The following TBXAS1 variants were observed in gnomAD, a reference collection of about 807,000 sequenced individuals.
The protein encoded by TBXAS1 is thromboxane A synthase 1.
Under a neutral mutation model 60.7 loss-of-function variants are expected in TBXAS1, and 48 were observed. The ratio of observed to expected loss-of-function variants is 0.79; its 90% confidence interval spans 0.63 to 1.01. TBXAS1 has a LOEUF of 1.01. Ranked by LOEUF, TBXAS1 falls within the 50% of genes least tolerant of loss-of-function variation. The probability of loss-of-function intolerance (pLI) is 0.00; values close to 1 mark genes in which losing one functional copy is unlikely to be tolerated. For missense variants in TBXAS1, 685 were observed against 686.3 expected (o/e 1.00, Z 0.02); for synonymous variants, 287 against 269.7 (o/e 1.06, Z -0.63).
chr7:139,856,894 T>G (rs1043922904), intron 1 of TBXAS1, among the ~76,000 whole-genome samples: 1 of 152,136 alleles, frequency 6.6e-6, no homozygotes, highest in Non-Finnish European at 1.5e-5. Context: ...ATCAGACGCT[T>G]TCAGGGCGTT....
intron 8 of TBXAS1, 112 bp from the exon 9 acceptor site, chr7:139,961,807 A>C (rs1584959411): frequency 7.6e-7 from 1 of 1,318,372 alleles, no homozygotes; most frequent in East Asian, 2.5e-5. Flanking sequence ...GCTTGTTGCT[A>C]CTGAGCTCTT....
At chr7:139,981,447 G>A (rs1340124272) in intron 9 of TBXAS1, among the ~76,000 whole-genome samples, 2 of 152,234 alleles carry the variant, frequency 1.3e-5, no homozygotes, top group Admixed American at 1.3e-4. Context: ...TAGCTGACCG[G>A]TGGACATTAG....
At chr7:139,875,867 A>G (rs1802193603) in intron 3 of TBXAS1, 2 of 579,930 alleles carry the variant, frequency 3.4e-6, no homozygotes, top group African/African-American at 3.8e-5. Flanking sequence ...AAAGAGTACC[A>G]CTTTCCAGCC....
intron 5 of TBXAS1, chr7:139,952,539 C>T (rs986875002): frequency 3.3e-6 from 5 of 1,536,186 alleles, no homozygotes; most frequent in South Asian, 1.2e-5. Flanking sequence ...TGATTCTGCT[C>T]GATATTTTCA....
At chr7:139,825,221 A>G (rs1205561419), upstream of TBXAS1, among the ~76,000 whole-genome samples, 2 of 152,096 alleles carry the variant, frequency 1.3e-5, no homozygotes, top group African/African-American at 4.8e-5. Context: ...TCTGACCTTC[A>G]TCCTAGAAAA....
intron 3 of TBXAS1, among the ~76,000 whole-genome samples, chr7:139,892,073 T>G (rs1803662203): frequency 1.3e-5 from 2 of 152,162 alleles, no homozygotes; most frequent in African/African-American, 2.4e-5. Flanking sequence ...CCTGATACAC[T>G]AGCTGGGCTC....
At chr7:139,814,692 C>A (rs1798104843) in intron 4 of TBXAS1, among the ~76,000 whole-genome samples, 1 of 152,106 alleles carries the variant, frequency 6.6e-6, no homozygotes, top group Non-Finnish European at 1.5e-5. Context: ...GTGAGCTCCC[C>A]AGAATTGGAG....
chr7:139,793,937 CA>C (rs1030724500), intron 4 of TBXAS1, among the ~76,000 whole-genome samples: 2 of 152,104 alleles, frequency 1.3e-5, no homozygotes, highest in African/African-American at 4.8e-5. Flanking sequence ...CTTCTTAATC[CA>C]AAGCCCTTTT....
intron 5 of TBXAS1, among the ~76,000 whole-genome samples, chr7:139,951,907 G>GAGAGAAAGAA (rs1809357581): frequency 2.5e-5 from 1 of 40,168 alleles, no homozygotes; most frequent in South Asian, 7.7e-4. Context: ...AGGAAAGAAA[G>GAGAGAAAGAA]AGAAAGAAAG....
At chr7:139,931,397 T>G (rs1400890660) in intron 4 of TBXAS1, among the ~76,000 whole-genome samples, 2 of 152,190 alleles carry the variant, frequency 1.3e-5, no homozygotes, top group Non-Finnish European at 2.9e-5. Context: ...CTGCATGACA[T>G]ACACAGTCTG....
At chr7:139,968,582 A>G (rs1810963065) in intron 9 of TBXAS1, among the ~76,000 whole-genome samples, 1 of 152,214 alleles carries the variant, frequency 6.6e-6, no homozygotes, top group Non-Finnish European at 1.5e-5. Context: ...GGCGTGAGCC[A>G]CCGCGCCCGG....
chr7:139,959,150 G>A (rs1810125461), intron 8 of TBXAS1, among the ~76,000 whole-genome samples: 1 of 152,146 alleles, frequency 6.6e-6, no homozygotes, highest in African/African-American at 2.4e-5. Context: ...ATTGCCTAGA[G>A]CTTTTCCTTT....
chr7:139,789,792 G>A (rs971015052), intron 4 of TBXAS1, among the ~76,000 whole-genome samples: 5 of 151,800 alleles, frequency 3.3e-5, no homozygotes, highest in Non-Finnish European at 5.9e-5. Context: ...CACCACACCC[G>A]GCTAATTTTT....
intron 4 of TBXAS1, chr7:139,789,594 A>G (rs1256579288): frequency 6.7e-6 from 1 of 150,266 alleles, no homozygotes; most frequent in Non-Finnish European, 1.5e-5. Context: ...CTAGGATCTG[A>G]TGGTCTTTTT....
intron 1 of TBXAS1, among the ~76,000 whole-genome samples, chr7:139,830,290 G>T (rs764746): frequency 6.6e-6 from 1 of 152,016 alleles, no homozygotes; most frequent in Non-Finnish European, 1.5e-5. Context: ...AATAATGGAG[G>T]ACTGGAGTCC....
intron 5 of TBXAS1, among the ~76,000 whole-genome samples, chr7:139,940,948 G>A (rs1397597100): frequency 1.3e-5 from 2 of 151,190 alleles, no homozygotes; most frequent in Non-Finnish European, 2.9e-5. Flanking sequence ...AGAGGATACA[G>A]CAAACTGGCT....
intron 4 of TBXAS1, among the ~76,000 whole-genome samples, chr7:139,816,691 G>C (rs571305887): frequency 5.3e-5 from 8 of 152,334 alleles, no homozygotes; most frequent in African/African-American, 1.9e-4. Context: ...CCATCAAACT[G>C]TGTTGTATTT....
chr7:139,840,000 A>AG (rs961331108), intron 1 of TBXAS1, among the ~76,000 whole-genome samples: 2 of 151,898 alleles, frequency 1.3e-5, no homozygotes, highest in Non-Finnish European at 2.9e-5. Flanking sequence ...AAAAAAAAAA[A>AG]AAGAGATTTC....
chr7:139,820,819 CAAATTCAATA>C (rs1234729389), intron 4 of TBXAS1, among the ~76,000 whole-genome samples: 2 of 152,080 alleles, frequency 1.3e-5, no homozygotes, highest in Admixed American at 1.3e-4. Flanking sequence ...GCACCCTGTA[CAAATTCAATA>C]AATAATTCTT....
Sources: gnomAD v4.1 joint callset for allele counts (sites outside exome capture counted in the v4.1 genomes callset) on GRCh38, gnomAD v4.1.1 for gene constraint, MANE v1.5 for transcripts, NCBI Gene and HGNC (gene_info 2026-07-23, HGNC 2026-07-21) for gene names.